Variants in E2F2 observed in about 807,000 individuals in gnomAD.
E2F2 encodes the protein transcription factor E2F2.
E2F2 carries 22 observed loss-of-function variants against 42.2 expected under a neutral mutation model. The ratio of observed to expected loss-of-function variants is 0.52; its 90% CI spans 0.37 to 0.74. E2F2 has a LOEUF of 0.74. Among genes scored for constraint, E2F2 ranks in the 30% least tolerant of loss-of-function variants. E2F2 has a pLI of 0.00. For synonymous variants in E2F2, 248 were observed against 251.6 expected (o/e 0.99, Z 0.13); for missense variants, 481 against 557.8 (o/e 0.86, Z 1.39).
At position 23,521,088 on chromosome 1, in the gene E2F2, C is replaced by A; in HGVS notation, c.579-17G>T. 2 of 1,595,564 alleles carry A rather than the reference C, an allele frequency of 1.3e-6. No homozygotes were observed. Among genetic ancestry groups the A allele is most frequent in the Admixed American group, 1.8e-5 (1 of 56,190 alleles). ...CCCCTGCCTCTGGGAACAGAGCAGC[C>A]CCCCAGTGTCAGTCTGTGGGTGAAA... On this transcript the variant is annotated splice_polypyrimidine_tract_variant and intron_variant, in intron 3 of 6. Coordinates refer to ENST00000361729, the MANE Select transcript of E2F2 (RefSeq NM_004091.4).
chr1:23,518,938 ACAGAGTCTGCAGAGCCGCCTGGAAC>A, intron 5 of E2F2, 53 bp downstream of exon 5: 1 of 1,146,642 alleles, frequency 8.7e-7, no homozygotes, highest in Non-Finnish European at 1.3e-6. Context: ...AGTGCCAGGG[ACAGAGTCTGCAGAGCCGCCTGGAAC>A]GCTCCCTGGC....
In E2F2 at chr1:23,509,928, G is replaced by A. The variant is rs1180653128; in HGVS notation, c.1266C>T (p.Ile422=). The A allele has an allele frequency of 6.2e-7, 1 of 1,601,356 alleles. No homozygotes were observed. The highest frequency in any genetic ancestry group is 8.5e-7 in the Non-Finnish European group (1 of 1,172,816). The change falls in exon 7 of 7, where the codon ATC becomes ATT. Residue 422 remains isoleucine (I), a synonymous_variant. Coordinates refer to ENST00000361729, the MANE Select transcript of E2F2 (RefSeq NM_004091.4). The stretch of plus-strand genomic sequence containing the variant: ...GGTCGTAGGAGTCGAAGAGATCGCT[G>A]ATGCCCTCACCCGCCTCCAAGCCCC... ...YLWGLEAGEG[I]SDLFDSYDLG...
chr1:23,530,973 A>G lies in E2F2; in HGVS notation c.-180T>C. 1.5e-6 allele frequency: 1 copy of G among 674,874 alleles called. No individual in the cohort carries two copies. The highest frequency in any genetic ancestry group is 3.8e-5 in the Admixed American group (1 of 26,188). The allele number at this position is 674,874 out of a possible 1,614,324, so 41.8% of individuals were successfully genotyped here. ...CCTGGCCCGCGGCCGAGCAGAGAGC[A>G]GCGCTTAGAGATCGCCGCTTGGAGA... On this transcript the variant is annotated 5_prime_UTR_variant, in exon 1 of 7. Transcript: ENST00000361729. This position sits in a 1 kb window ranked among gnomAD's most constrained non-coding sequence, Gnocchi z 4.4.
rs375153243 is a variant in E2F2, at chr1:23,509,619, G to A, written c.*261C>T. 3.4e-5 allele frequency: 17 copies of A among 498,626 alleles called. No homozygotes were observed. Among genetic ancestry groups the A allele is most frequent in the African/African-American group, 3.4e-4 (17 of 50,722 alleles). The allele number at this position is 498,626 out of a possible 1,614,324, so 30.9% of individuals were successfully genotyped here. A position where few individuals can be genotyped will look rare whatever the true frequency, so the allele number is the denominator to read the frequency against. On this transcript the variant is annotated 3_prime_UTR_variant, in exon 7 of 7. Transcript: ENST00000361729. ...CCTCACCTGCAGCCTTCTTGTGAGAGGTCAGAAGTCAGAAGACTGGATGGG... is the reference window on the plus strand; with the variant it reads ...CCTCACCTGCAGCCTTCTTGTGAGAAGTCAGAAGTCAGAAGACTGGATGGG...
chr1:23,527,920 G>A (rs1346708917), intron 1 of E2F2, among the ~76,000 whole-genome samples: 1 of 152,234 alleles, frequency 6.6e-6, no homozygotes, highest in African/African-American at 2.4e-5. Context: ...AAGGCGGGTG[G>A]ATCACCTGAG....
rs775072450 is a variant in E2F2 at position 23,518,998 on chromosome 1, A to C, written c.852+18T>G. ...CAGGGTCTCAACCCTGCTCTCCACC[A>C]AATATTTCCCCTCTCACCTCAGTCC... On this transcript the variant is annotated intron_variant, in intron 5 of 6. Transcript: ENST00000361729. 1 of 1,608,746 alleles carries C rather than the reference A, an allele frequency of 6.2e-7. No individual in the cohort carries two copies. Among genetic ancestry groups the C allele is most frequent in the Non-Finnish European group, 8.5e-7 (1 of 1,175,702 alleles).
rs958736190 is a variant in E2F2 at position 23,509,121 on chromosome 1, A to C, written c.*759T>G. On this transcript the variant is annotated 3_prime_UTR_variant, in exon 7 of 7. Coordinates refer to ENST00000361729, the MANE Select transcript of E2F2 (RefSeq NM_004091.4). ...CTGAGCAGGTGGCTCCTGTTTCCAC[A>C]GGAGCCTCAGTGCTACCTGCCCTAG... is the stretch of plus-strand genomic sequence containing the variant. 2 of 152,192 alleles carry C rather than the reference A, an allele frequency of 1.3e-5. No homozygotes were observed. Among genetic ancestry groups the C allele is most frequent in the Non-Finnish European group, 2.9e-5 (2 of 68,038 alleles). 9.4% of individuals were successfully genotyped at this position (152,192 alleles called of 1,614,324 possible). A position where few individuals can be genotyped will look rare whatever the true frequency, so the allele number is the denominator to read the frequency against.
intron 5 of E2F2, among the ~76,000 whole-genome samples, chr1:23,517,332 C>G (rs749091856): frequency 3.9e-5 from 6 of 152,232 alleles, no homozygotes; most frequent in Non-Finnish European, 8.8e-5. Context: ...ATGTCCAGGT[C>G]TCCATGCCTG....
rs1297109173 is a variant in E2F2, at chr1:23,524,408, T to G, written c.333A>C (p.Arg111Ser). 6.7e-7 allele frequency: 1 copy of G among 1,498,084 alleles called. No individual in the cohort carries two copies. The allele number at this position is 1,498,084 out of a possible 1,614,324, so 92.8% of individuals were successfully genotyped here. A position where few individuals can be genotyped will look rare whatever the true frequency, so the allele number is the denominator to read the frequency against. Residue 111 changes from arginine (R) to serine (S), a missense_variant, in exon 2 of 7, where the codon AGA becomes AGC. Coordinates refer to ENST00000361729, the MANE Select transcript of E2F2 (RefSeq NM_004091.4). ...EFPTPKGKCIRVDGLPSPKTP... is the reference protein window; with the variant it reads ...EFPTPKGKCISVDGLPSPKTP... ...TTTTGGGGCTGGGGAGGCCATCCACTCTGATGCACTTCCCCTTGGGGGTTG... is the reference window on the plus strand; with the variant it reads ...TTTTGGGGCTGGGGAGGCCATCCACGCTGATGCACTTCCCCTTGGGGGTTG...
intron 5 of E2F2, among the ~76,000 whole-genome samples, chr1:23,516,796 GGC>G (rs1322650169): frequency 1.5e-5 from 2 of 132,908 alleles, no homozygotes; most frequent in Non-Finnish European, 3.4e-5. Context: ...CTAGTTTTGG[GGC>G]GGGGGGGGGG....
chr1:23,516,792 T>TG (rs1643029215), intron 5 of E2F2, among the ~76,000 whole-genome samples: 1 of 18,580 alleles, frequency 5.4e-5, no homozygotes, highest in African/African-American at 2.5e-4. Flanking sequence ...TCATCTAGTT[T>TG]TGGGGCGGGG....
intron 6 of E2F2, among the ~76,000 whole-genome samples, chr1:23,511,302 A>C (rs1214049816): frequency 6.6e-6 from 1 of 151,538 alleles, no homozygotes; most frequent in Non-Finnish European, 1.5e-5. Flanking sequence ...TAGGGTGAAC[A>C]CGGCTCACTG....
At chr1:23,529,905 G>A (rs1288964018) in intron 1 of E2F2, among the ~76,000 whole-genome samples, 2 of 152,190 alleles carry the variant, frequency 1.3e-5, no homozygotes, top group African/African-American at 4.8e-5. Flanking sequence ...GCCCTCTCTG[G>A]CAACGAGCCT....
intron 6 of E2F2, among the ~76,000 whole-genome samples, chr1:23,513,117 A>AT (rs1642942654): frequency 1.7e-5 from 2 of 114,746 alleles, no homozygotes. Context: ...TGGCCACATA[A>AT]GTTTTTTTTT....
At position 23,520,966 on chromosome 1, in the gene E2F2, G is replaced by A. The variant is rs779930763; in HGVS notation, c.684C>T (p.Ile228=). The change falls in exon 4 of 7, where the codon ATC becomes ATT. Residue 228 remains isoleucine, a synonymous_variant. Transcript: ENST00000361729. Reference sequence around the variant, plus strand: ...GCTTGAAGCTCAGAGAGCAGCTCTGGATGAGCTGGTCCAAGGCCTGCTCCG... The same window carrying A: ...GCTTGAAGCTCAGAGAGCAGCTCTGAATGAGCTGGTCCAAGGCCTGCTCCG... ...MNTEQALDQL[I]QSCSLSFKHL... is the part of the protein sequence containing the mutation. The A allele has an allele frequency of 3.1e-6, 5 of 1,612,760 alleles. No homozygotes were observed. The highest frequency in any genetic ancestry group is 1.3e-5 in the African/African-American group (1 of 74,840).
intron 1 of E2F2, among the ~76,000 whole-genome samples, chr1:23,529,366 C>T (rs1276415483): frequency 1.3e-5 from 2 of 152,136 alleles, no homozygotes; most frequent in Admixed American, 1.3e-4. Flanking sequence ...ACGTTTTGAA[C>T]ATGGGCAAAG....
intron 5 of E2F2, among the ~76,000 whole-genome samples, chr1:23,517,986 G>A (rs1359357947): frequency 2.0e-5 from 3 of 151,616 alleles, no homozygotes; most frequent in Non-Finnish European, 4.4e-5. Context: ...CCTGGACAAC[G>A]TGGCAAAACC....
intron 5 of E2F2, among the ~76,000 whole-genome samples, chr1:23,518,045 C>G (rs1643060284): frequency 6.6e-6 from 1 of 152,028 alleles, no homozygotes; most frequent in African/African-American, 2.4e-5. Flanking sequence ...GTGGCATGCA[C>G]CTGTGGTCCC....
At chr1:23,528,487 T>G (rs537077178) in intron 1 of E2F2, among the ~76,000 whole-genome samples, 1 of 152,316 alleles carries the variant, frequency 6.6e-6, no homozygotes, top group South Asian at 2.1e-4. Context: ...GCTCTGGGCC[T>G]GGCAGGGCTT....
Sources: allele counts gnomAD v4.1 joint callset (sites outside exome capture counted in the v4.1 genomes callset), GRCh38; gene constraint gnomAD v4.1.1; non-coding constraint Gnocchi (gnomAD v3.1); transcripts MANE v1.5; gene names NCBI Gene and HGNC (gene_info 2026-07-23, HGNC 2026-07-21).